The following CDK19 variants were observed in gnomAD, a reference collection of about 807,000 sequenced individuals.
The protein encoded by CDK19 is cyclin dependent kinase 19, also known as cyclin-dependent kinase 19.
A neutral mutation model predicts 68.3 loss-of-function variants in CDK19; 20 were observed. The observed-to-expected ratio is 0.29, with a 90% CI of 0.21 to 0.43. The LOEUF (loss-of-function observed/expected upper bound fraction) is 0.43, where lower values mean the gene tolerates loss of function less well. Ranked by LOEUF, CDK19 falls within the 20% of genes least tolerant of loss-of-function variation. The pLI, the probability that CDK19 is intolerant of heterozygous loss-of-function variation, is 1.00. For missense variants in CDK19, 339 were observed against 623.5 expected, an observed-to-expected ratio of 0.54 and a Z score of 4.86; for synonymous variants, 221 against 222.8, an observed-to-expected ratio of 0.99 and a Z score of 0.07.
At chr6:110,652,932 C>A (rs1484051706) in intron 4 of CDK19, among the ~76,000 whole-genome samples, 1 of 152,120 alleles carries the variant, frequency 6.6e-6, no homozygotes, top group African/African-American at 2.4e-5. Flanking sequence ...AGCTCTTTTG[C>A]ACAGTTTGAG....
chr6:110,786,194 T>C (rs1157624573), intron 1 of CDK19, among the ~76,000 whole-genome samples: 1 of 152,106 alleles, frequency 6.6e-6, no homozygotes, highest in East Asian at 1.9e-4. Context: ...TTGTCTAACA[T>C]CAATTTGTTT....
chr6:110,806,972 C>T (rs945209881), intron 1 of CDK19, among the ~76,000 whole-genome samples: 3 of 148,796 alleles, frequency 2.0e-5, no homozygotes, highest in East Asian at 4.0e-4. Context: ...AGAAAGACTC[C>T]GTCTCAATAA....
intron 4 of CDK19, among the ~76,000 whole-genome samples, chr6:110,651,560 C>T (rs1326311798): frequency 1.3e-5 from 2 of 151,936 alleles, no homozygotes; most frequent in Non-Finnish European, 1.5e-5. Flanking sequence ...TGGTGAAAAC[C>T]CCATCTCTAA....
intron 1 of CDK19, among the ~76,000 whole-genome samples, chr6:110,765,969 A>G (rs1200764696): frequency 6.6e-6 from 1 of 152,200 alleles, no homozygotes; most frequent in Non-Finnish European, 1.5e-5. Context: ...AAGGAGGCAG[A>G]GAAAGGGGAA....
At chr6:110,737,436 A>C in intron 2 of CDK19, among the ~76,000 whole-genome samples, 1 of 152,200 alleles carries the variant, frequency 6.6e-6, no homozygotes, top group South Asian at 2.1e-4. Flanking sequence ...TAGTCTTCTC[A>C]TAGGAAACAT....
chr6:110,738,120 TA>T (rs1002579195), intron 2 of CDK19, among the ~76,000 whole-genome samples: 7 of 152,176 alleles, frequency 4.6e-5, no homozygotes, highest in African/African-American at 1.7e-4. Context: ...ACAGAAAAGG[TA>T]AAATACTTGA....
intron 4 of CDK19, among the ~76,000 whole-genome samples, chr6:110,666,954 A>C (rs1274388547): frequency 6.6e-6 from 1 of 152,210 alleles, no homozygotes; most frequent in Non-Finnish European, 1.5e-5. Context: ...TAATTTGCCT[A>C]ATAAGTATAT....
intron 1 of CDK19, among the ~76,000 whole-genome samples, chr6:110,781,841 A>G (rs1270160031): frequency 7.1e-6 from 1 of 140,904 alleles, no homozygotes; most frequent in Non-Finnish European, 1.6e-5. Flanking sequence ...GTCTCAAATG[A>G]AAAAAAAAAA....
At chr6:110,643,367 C>T (rs1780331684) in intron 4 of CDK19, 1 of 371,102 alleles carries the variant, frequency 2.7e-6, no homozygotes, top group African/African-American at 2.2e-5. Flanking sequence ...ACTATGGTAA[C>T]ATCAGATAAA....
intron 1 of CDK19, among the ~76,000 whole-genome samples, chr6:110,763,827 A>T (rs1365465182): frequency 1.3e-5 from 2 of 152,210 alleles, no homozygotes; most frequent in Non-Finnish European, 2.9e-5. Flanking sequence ...TTGTTCACAG[A>T]CGACGTAATT....
chr6:110,759,416 A>ATACAT (rs1562264973), intron 1 of CDK19, among the ~76,000 whole-genome samples: 2 of 113,576 alleles, frequency 1.8e-5, no homozygotes, highest in African/African-American at 8.1e-5. Context: ...AAAAAAAAAA[A>ATACAT]AAAAAAAAAA....
At chr6:110,638,735 A>C (rs755816611) in intron 4 of CDK19, 29 bp from the exon 5 acceptor site, 15 of 1,241,548 alleles carry the variant, frequency 1.2e-5, no homozygotes, top group Non-Finnish European at 1.2e-6. Context: ...CATTCAAATT[A>C]CCATGTTTAT....
At chr6:110,646,707 T>G (rs1780611387) in intron 4 of CDK19, 1 of 439,328 alleles carries the variant, frequency 2.3e-6, no homozygotes, top group Non-Finnish European at 4.0e-6. Context: ...TCGTTCATCA[T>G]CCCTATCGAT....
At chr6:110,696,847 C>G (rs1308253668) in intron 2 of CDK19, among the ~76,000 whole-genome samples, 1 of 151,980 alleles carries the variant, frequency 6.6e-6, no homozygotes, top group Admixed American at 6.6e-5. Context: ...TCACTTGAGG[C>G]CGGGAGTTTG....
chr6:110,621,368 A>G lies in CDK19; in HGVS notation c.1113T>C (p.Asn371=). Residue 371 remains asparagine (N), a splice_region_variant and synonymous_variant, in exon 12 of 13, where the codon AAT becomes AAC. Coordinates refer to ENST00000368911, the MANE Select transcript of CDK19 (RefSeq NM_015076.5). This position sits in a 1 kb window ranked among gnomAD's most constrained non-coding sequence, Gnocchi z 5.4. ...GATGCTGGTTCTGCTGCTGTTGCTG[A>G]TTCTTTTAAGGGGAAAAAAGCAAGC... is the stretch of plus-strand genomic sequence containing the variant. ...EDDPEEKGDK[N]QQQQQNQHQQ... is the part of the protein sequence containing the mutation. The G allele has an allele frequency of 6.5e-7, 1 of 1,539,448 alleles. No individual in the cohort carries two copies. Among genetic ancestry groups the G allele is most frequent in the South Asian group, 1.3e-5 (1 of 79,168 alleles).
intron 2 of CDK19, among the ~76,000 whole-genome samples, chr6:110,679,080 A>T (rs1283866898): frequency 6.6e-6 from 1 of 152,154 alleles, no homozygotes; most frequent in Admixed American, 6.5e-5. Flanking sequence ...AGGCCAAGGC[A>T]GGAGGACCAC....
At chr6:110,722,572 T>C (rs2114750674) in intron 2 of CDK19, among the ~76,000 whole-genome samples, 1 of 152,030 alleles carries the variant, frequency 6.6e-6, no homozygotes, top group Non-Finnish European at 1.5e-5. Context: ...TATTTAATTT[T>C]CAAATTAATA....
At chr6:110,712,040 C>T (rs932465948) in intron 2 of CDK19, among the ~76,000 whole-genome samples, 11 of 152,182 alleles carry the variant, frequency 7.2e-5, no homozygotes, top group Non-Finnish European at 1.3e-4. Context: ...AGATTGGCTA[C>T]TTTTTTAACT....
chr6:110,755,590 T>G (rs548999959), intron 1 of CDK19, among the ~76,000 whole-genome samples: 8 of 152,092 alleles, frequency 5.3e-5, no homozygotes, highest in African/African-American at 1.7e-4. Context: ...CAGAAACGTG[T>G]GGACAAAGTC....
Sources: gnomAD v4.1 joint callset for allele counts (sites outside exome capture counted in the v4.1 genomes callset) on GRCh38, gnomAD v4.1.1 for gene constraint, Gnocchi (gnomAD v3.1) non-coding constraint, MANE v1.5 for transcripts, NCBI Gene and HGNC (gene_info 2026-07-23, HGNC 2026-07-21) for gene names.